The following PPM1E variants were observed in gnomAD, a reference collection of about 807,000 sequenced individuals.
The protein encoded by PPM1E is protein phosphatase, Mg2+/Mn2+ dependent 1E.
Under a neutral mutation model 65.9 loss-of-function variants are expected in PPM1E, and 20 were observed. The ratio of observed to expected loss-of-function variants is 0.30; its 90% CI spans 0.21 to 0.44. The LOEUF is 0.44. PPM1E is among the 20% of genes least tolerant of loss of function. The pLI is 1.00. For synonymous variants in PPM1E, 352 were observed against 374.9 expected, an observed-to-expected ratio of 0.94 and a Z score of 0.70; for missense variants, 713 against 953.1, an observed-to-expected ratio of 0.75 and a Z score of 3.32.
At chr17:58,814,600 G>T (rs2050398292) in intron 1 of PPM1E, among the ~76,000 whole-genome samples, 1 of 152,136 alleles carries the variant, frequency 6.6e-6, no homozygotes, top group Non-Finnish European at 1.5e-5. Context: ...TCACTTCAGG[G>T]CTGCTGCATA....
chr17:58,959,370 C>T (rs556445254), intron 2 of PPM1E, among the ~76,000 whole-genome samples: 257 of 148,776 alleles, frequency 1.7e-3, no homozygotes, highest in African/African-American at 6.1e-3. Context: ...GAGGCTGAGG[C>T]GGGCGGATAC....
chr17:58,955,686 G>T lies in PPM1E; in HGVS notation c.502G>T (p.Ala168Ser). The change falls in exon 2 of 7, where the codon GCC (alanine) becomes TCC (serine). Residue 168 changes from alanine to serine, a missense_variant. Ala to Ser is a moderately conservative substitution (Grantham distance 99). Around this residue, in one of 6 missense-constraint regions of PPM1E, gnomAD observed 84 missense variants for 113.9 expected, o/e 0.74. Coordinates refer to ENST00000308249, the MANE Select transcript of PPM1E (RefSeq NM_014906.5). ...CTTTTTGGCTGCTGCTTTAGCCAGA[G>T]CCACATCAGATGAAGTCCTTCAGAG... ...PSFLAAALAR[A>S]TSDEVLQSDL... 1 of 1,613,484 alleles carries T rather than the reference G, an allele frequency of 6.2e-7. No homozygotes were observed. Among genetic ancestry groups the T allele is most frequent in the South Asian group, 1.1e-5 (1 of 90,798 alleles).
rs184202275 is a variant in PPM1E, at chr17:58,967,873, G to A, written c.784-1666G>A. The stretch of plus-strand genomic sequence containing the variant: ...GGCTGGAGTGAAGTGGCGCGATCTC[G>A]ACTCACTGCAACCTCCGCTTCCCGG... On this transcript the variant is annotated intron_variant, in intron 3 of 6. Coordinates refer to ENST00000308249, the MANE Select transcript of PPM1E (RefSeq NM_014906.5). 5.3e-5 allele frequency among the ~76,000 whole-genome samples: 8 copies of A among 150,728 alleles called. No individual in the cohort carries two copies. In the East Asian group the frequency reaches 7.8e-4, roughly 15 times the overall value.
chr17:58,786,220 T>C (rs2050099389), intron 1 of PPM1E, among the ~76,000 whole-genome samples: 1 of 151,984 alleles, frequency 6.6e-6, no homozygotes, highest in Non-Finnish European at 1.5e-5. Flanking sequence ...TTCACCATGT[T>C]AGCCAGGATG....
chr17:58,801,050 T>A (rs2050253684), intron 1 of PPM1E, among the ~76,000 whole-genome samples: 1 of 152,188 alleles, frequency 6.6e-6, no homozygotes, highest in Non-Finnish European at 1.5e-5. Flanking sequence ...TTGATTCTTT[T>A]ATTTTTATTA....
At chr17:58,950,893 C>T (rs2052227828) in intron 1 of PPM1E, among the ~76,000 whole-genome samples, 1 of 151,826 alleles carries the variant, frequency 6.6e-6, no homozygotes, top group African/African-American at 2.4e-5. Flanking sequence ...ATTCTCCTGC[C>T]TCAGCCTCCC....
At chr17:58,906,929 C>T (rs2051565185) in intron 1 of PPM1E, among the ~76,000 whole-genome samples, 6 of 152,036 alleles carry the variant, frequency 3.9e-5, no homozygotes, top group Admixed American at 3.3e-4. Context: ...TTCTTTGATT[C>T]ATGTGTTATT....
At position 58,955,467 on chromosome 17, in the gene PPM1E, G is replaced by T. The variant is rs898988552; in HGVS notation, c.465-182G>T. 7.3e-6 allele frequency: 5 copies of T among 683,610 alleles called. No homozygotes were observed. The Admixed American group carries it at 1.2e-4, about 16-fold the overall frequency. 42.3% of individuals were successfully genotyped at this position (683,610 alleles called of 1,614,324 possible). ...CCTTTAGGTAAGGAGCCATGTCTGTGTTATGCATCAATATATATCCAGTGC... is the reference window on the plus strand; with the variant it reads ...CCTTTAGGTAAGGAGCCATGTCTGTTTTATGCATCAATATATATCCAGTGC... On this transcript the variant is annotated intron_variant, in intron 1 of 6. Coordinates refer to ENST00000308249, the MANE Select transcript of PPM1E (RefSeq NM_014906.5).
intron 1 of PPM1E, among the ~76,000 whole-genome samples, chr17:58,954,349 G>T (rs1262314118): frequency 6.6e-6 from 1 of 152,106 alleles, no homozygotes; most frequent in Non-Finnish European, 1.5e-5. Context: ...TGATATAGCA[G>T]TCAAAGCAAT....
At chr17:58,972,958 G>A (rs772104487) in intron 6 of PPM1E, 33 bp downstream of exon 6, 1 of 1,505,908 alleles carries the variant, frequency 6.6e-7, no homozygotes, top group Non-Finnish European at 9.2e-7. Flanking sequence ...TCTCCAAACT[G>A]TCCTCTTCTA....
At position 58,758,663 on chromosome 17, in the gene PPM1E, G is replaced by A. The variant is rs1024015878; in HGVS notation, c.464+2202G>A. On this transcript the variant is annotated intron_variant, in intron 1 of 6. Transcript: ENST00000308249. ...AAAATTAAAGTTGGAAAATATTTCCGCTTAAATCAGAGATTTCATCATTTA... is the reference window on the plus strand; with the variant it reads ...AAAATTAAAGTTGGAAAATATTTCCACTTAAATCAGAGATTTCATCATTTA... 4.6e-5 allele frequency among the ~76,000 whole-genome samples: 7 copies of A among 152,056 alleles called. No individual in the cohort carries two copies. In the South Asian group the frequency reaches 1.0e-3, roughly 23 times the overall value.
intron 1 of PPM1E, among the ~76,000 whole-genome samples, chr17:58,783,998 A>G (rs2050073940): frequency 6.6e-6 from 1 of 151,278 alleles, no homozygotes; most frequent in African/African-American, 2.4e-5. Flanking sequence ...GGTGTGAGCC[A>G]CCGTGCCCGG....
chr17:58,979,751 A>C (rs1182337288), intron 6 of PPM1E, among the ~76,000 whole-genome samples: 5 of 152,230 alleles, frequency 3.3e-5, no homozygotes, highest in Non-Finnish European at 7.3e-5. Context: ...GTAAGGACTT[A>C]TGCCCAGTAA....
chr17:58,882,169 C>A (rs570419104), intron 1 of PPM1E, among the ~76,000 whole-genome samples: 1 of 151,836 alleles, frequency 6.6e-6, no homozygotes, highest in Non-Finnish European at 1.5e-5. Context: ...GAGACCCAGT[C>A]TCAAAGCAAA....
intron 3 of PPM1E, 124 bp from the exon 4 acceptor site, chr17:58,969,415 C>T: frequency 1.1e-6 from 1 of 917,280 alleles, no homozygotes. Flanking sequence ...AACATTTAGT[C>T]TCATTATTCT....
intron 1 of PPM1E, among the ~76,000 whole-genome samples, chr17:58,879,664 A>G (rs1160353112): frequency 6.6e-6 from 1 of 151,242 alleles, no homozygotes; most frequent in Non-Finnish European, 1.5e-5. Context: ...GCCCACCACC[A>G]CGCCTGGCTA....
At chr17:58,816,359 A>G (rs989884719) in intron 1 of PPM1E, among the ~76,000 whole-genome samples, 3 of 152,224 alleles carry the variant, frequency 2.0e-5, no homozygotes, top group African/African-American at 7.2e-5. Flanking sequence ...AAAGAGAAGG[A>G]AATACTTTCA....
At chr17:58,824,333 C>T (rs557542920) in intron 1 of PPM1E, among the ~76,000 whole-genome samples, 107 of 152,232 alleles carry the variant, frequency 7.0e-4, no homozygotes, top group Non-Finnish European at 1.2e-3. Context: ...TGAGACTTTA[C>T]ATAGGCACAG....
chr17:58,891,826 C>CTT (rs2051349472), intron 1 of PPM1E, among the ~76,000 whole-genome samples: 1 of 103,720 alleles, frequency 9.6e-6, no homozygotes, highest in South Asian at 3.2e-4. Context: ...ACATTTTTTT[C>CTT]TTTTTCTTTT....
Sources: gnomAD v4.1 joint callset for allele counts (sites outside exome capture counted in the v4.1 genomes callset) on GRCh38, gnomAD v4.1.1 for gene constraint, gnomAD v4.1.1 regional missense constraint, MANE v1.5 for transcripts, NCBI Gene and HGNC (gene_info 2026-07-23, HGNC 2026-07-21) for gene names.